RBFOX1: variants seen among roughly 807,000 people sequenced by gnomAD.
RBFOX1 encodes the protein RNA binding protein fox-1 homolog 1.
RBFOX1 carries 8 observed loss-of-function variants against 57.7 expected under a neutral mutation model. That is an observed-to-expected ratio of 0.14 (90% CI 0.08 to 0.25). The LOEUF is 0.25. RBFOX1 is among the 10% of genes least tolerant of loss of function. RBFOX1 has a pLI of 1.00. For synonymous variants in RBFOX1, 326 were observed against 222.4 expected, an observed-to-expected ratio of 1.47 and a Z score of -4.15; for missense variants, 611 against 548.5, an observed-to-expected ratio of 1.11 and a Z score of -1.14.
intron 2 of RBFOX1, among the ~76,000 whole-genome samples, chr16:6,334,979 A>G (rs937761075): frequency 2.6e-5 from 4 of 152,240 alleles, no homozygotes; most frequent in African/African-American, 9.6e-5. Flanking sequence ...GAACAGTGTC[A>G]TCCTATAATG....
chr16:6,449,001 A>T (rs747260997), intron 2 of RBFOX1, among the ~76,000 whole-genome samples: 10 of 152,236 alleles, frequency 6.6e-5, no homozygotes, highest in Admixed American at 1.3e-4. Flanking sequence ...ATAAACCTAC[A>T]TTGAAAAAGA....
intron 5 of RBFOX1, among the ~76,000 whole-genome samples, chr16:7,536,896 T>A (rs1273770314): frequency 6.6e-6 from 1 of 152,190 alleles, no homozygotes; most frequent in African/African-American, 2.4e-5. Flanking sequence ...AGCACTCCAG[T>A]GACAGAAAGG....
chr16:6,734,632 T>C (rs1028774419), intron 3 of RBFOX1, among the ~76,000 whole-genome samples: 1 of 152,184 alleles, frequency 6.6e-6, no homozygotes, highest in Non-Finnish European at 1.5e-5. Context: ...CCTCAGACAT[T>C]CTTTTCTTTG....
intron 4 of RBFOX1, among the ~76,000 whole-genome samples, chr16:7,316,723 G>T (rs1441042905): frequency 6.6e-6 from 1 of 152,084 alleles, no homozygotes; most frequent in African/African-American, 2.4e-5. Flanking sequence ...CATCAAAGCT[G>T]AGATGGAGTG....
intron 1 of RBFOX1, among the ~76,000 whole-genome samples, chr16:6,162,819 C>G (rs549018979): frequency 6.6e-6 from 1 of 152,204 alleles, no homozygotes; most frequent in East Asian, 1.9e-4. Flanking sequence ...CTGCAGCCTC[C>G]ACCTCCCAGG....
intron 3 of RBFOX1, among the ~76,000 whole-genome samples, chr16:5,834,753 A>G: frequency 1.3e-5 from 2 of 149,894 alleles, no homozygotes; most frequent in African/African-American, 5.0e-5. Context: ...ATACATACAT[A>G]CATACATACA....
chr16:5,924,105 C>G (rs1322856473), intron 4 of RBFOX1, among the ~76,000 whole-genome samples: 1 of 152,100 alleles, frequency 6.6e-6, no homozygotes, highest in Non-Finnish European at 1.5e-5. Flanking sequence ...AGTTCCCCTC[C>G]TTGCACTCAT....
chr16:7,243,604 G>C (rs1306618531), intron 4 of RBFOX1, among the ~76,000 whole-genome samples: 1 of 152,138 alleles, frequency 6.6e-6, no homozygotes, highest in African/African-American at 2.4e-5. Context: ...CTGTAATGCA[G>C]TGGCATGATA....
chr16:6,998,663 C>G (rs1034955230), intron 3 of RBFOX1, among the ~76,000 whole-genome samples: 1 of 152,058 alleles, frequency 6.6e-6, no homozygotes, highest in Non-Finnish European at 1.5e-5. Flanking sequence ...TTTTGTGTTC[C>G]TTTCCCTCAG....
At chr16:5,280,790 AT>A (rs2063252417) in intron 1 of RBFOX1, among the ~76,000 whole-genome samples, 1 of 143,910 alleles carries the variant, frequency 6.9e-6, no homozygotes, top group South Asian at 2.2e-4. Flanking sequence ...CTCCTTTTTC[AT>A]TTCTGATTGT....
intron 4 of RBFOX1, among the ~76,000 whole-genome samples, chr16:7,326,272 G>A (rs2096610465): frequency 6.6e-6 from 1 of 152,298 alleles, no homozygotes; most frequent in South Asian, 2.1e-4. Context: ...CCATCCCAGG[G>A]CAAATCACTG....
At chr16:6,502,754 G>A (rs976620093) in intron 2 of RBFOX1, among the ~76,000 whole-genome samples, 3 of 152,002 alleles carry the variant, frequency 2.0e-5, no homozygotes, top group Admixed American at 6.6e-5. Flanking sequence ...AAGGTGCCCC[G>A]ATGGATCATG....
rs2042971535 is a variant in RBFOX1 at position 5,495,435 on chromosome 16, C to T, written c.258+28181C>T. ...TAACAGCAAGAGGAATATCCAGTCC[C>T]ATCATCCAGTCACCTCCTACCAGGC... On this transcript the variant is annotated intron_variant, in intron 2 of 2. Coordinates refer to the RBFOX1 transcript ENST00000585867. Among the ~76,000 whole-genome samples, 4 of 152,220 alleles carry T rather than the reference C, an allele frequency of 2.6e-5. No individual in the cohort carries two copies. The South Asian group carries it at 8.3e-4, about 32-fold the overall frequency.
intron 3 of RBFOX1, among the ~76,000 whole-genome samples, chr16:5,617,111 C>CTCCG (rs997659927): frequency 1.3e-5 from 2 of 151,918 alleles, no homozygotes; most frequent in African/African-American, 2.4e-5. Flanking sequence ...CCTTCCCTCC[C>CTCCG]TCCGTCCGTC....
At chr16:5,599,834 T>C (rs1567280519) in exon 3 of RBFOX1, 1 of 152,746 alleles carries the variant, frequency 6.5e-6, no homozygotes, top group Non-Finnish European at 1.5e-5. Context: ...GACATTGTGA[T>C]AGTGGTAAGT....
intron 5 of RBFOX1, among the ~76,000 whole-genome samples, chr16:7,572,428 A>G (rs575898447): frequency 3.3e-5 from 5 of 152,292 alleles, no homozygotes; most frequent in Non-Finnish European, 5.9e-5. Flanking sequence ...CCCAGGAGAC[A>G]TTTGAATCCC....
At chr16:6,822,719 A>G (rs1412869530) in intron 3 of RBFOX1, among the ~76,000 whole-genome samples, 1 of 152,174 alleles carries the variant, frequency 6.6e-6, no homozygotes, top group Non-Finnish European at 1.5e-5. Flanking sequence ...TTCTTCAGCA[A>G]CTCAGGCTTG....
At chr16:6,552,296 A>G (rs1408772834) in intron 2 of RBFOX1, among the ~76,000 whole-genome samples, 3 of 152,198 alleles carry the variant, frequency 2.0e-5, no homozygotes, top group African/African-American at 7.2e-5. Context: ...GAGAATAACT[A>G]ATATCAGGAA....
At chr16:7,700,052 C>A (rs1271612753) in intron 14 of RBFOX1, among the ~76,000 whole-genome samples, 1 of 152,054 alleles carries the variant, frequency 6.6e-6, no homozygotes, top group Non-Finnish European at 1.5e-5. Context: ...GGGCCCAGAA[C>A]CTCCCTACTT....
Sources: gnomAD v4.1 joint callset for allele counts (sites outside exome capture counted in the v4.1 genomes callset) on GRCh38, gnomAD v4.1.1 for gene constraint, MANE v1.5 for transcripts, NCBI Gene and HGNC (gene_info 2026-07-23, HGNC 2026-07-21) for gene names.